The following CDKL5 variants were observed in gnomAD, a reference collection of about 807,000 sequenced individuals.
The protein encoded by CDKL5 is cyclin-dependent kinase-like 5.
In CDKL5, 8 loss-of-function variants were observed where a neutral mutation model predicts 61.7. The ratio of observed to expected loss-of-function variants is 0.13; its 90% CI spans 0.08 to 0.23. The LOEUF is 0.23. CDKL5 is among the 10% of genes least tolerant of loss of function. CDKL5 has a pLI of 1.00. For missense variants in CDKL5, 440 were observed against 734.5 expected (o/e 0.60, Z 4.63); for synonymous variants, 275 against 272.3 (o/e 1.01, Z -0.10).
chrX:18,646,711 C>G (rs1359396546), intron 20 of CDKL5, among the ~76,000 whole-genome samples: 1 of 111,162 alleles, frequency 9.0e-6, no homozygotes, highest in Non-Finnish European at 1.9e-5. Context: ...CATCCACACC[C>G]TGGAGGTATC....
chrX:18,447,896 G>A (rs1931917134), intron 1 of CDKL5, among the ~76,000 whole-genome samples: 1 of 109,004 alleles, frequency 9.2e-6, no homozygotes, highest in South Asian at 4.1e-4. Flanking sequence ...TGGCTGGAGT[G>A]CAATGGCATG....
intron 3 of CDKL5, among the ~76,000 whole-genome samples, chrX:18,516,126 T>C (rs968775010): frequency 9.0e-6 from 1 of 110,575 alleles, no homozygotes; most frequent in African/African-American, 3.3e-5. Flanking sequence ...TATCTGGGAT[T>C]ACAGGCATGA....
chrX:18,572,069 A>G (rs1423379840), intron 4 of CDKL5, among the ~76,000 whole-genome samples: 2 of 112,193 alleles, frequency 1.8e-5, no homozygotes, highest in African/African-American at 3.2e-5. Context: ...GTTTAGGCTC[A>G]TAATCAATAC....
chrX:18,432,713 C>T (rs988549463), intron 1 of CDKL5, among the ~76,000 whole-genome samples: 3 of 106,122 alleles, frequency 2.8e-5, no homozygotes, highest in Admixed American at 2.0e-4. Flanking sequence ...CTCAAGTGAT[C>T]CTCCCACCTC....
In CDKL5 at chrX:18,633,383, A is replaced by G; in HGVS notation, c.*4626A>G. The G allele has an allele frequency of 1.3e-6, 1 of 753,312 alleles. No homozygotes were observed. The highest frequency in any genetic ancestry group is 1.6e-6 in the Non-Finnish European group (1 of 638,198). The allele number at this position is 753,312 out of a possible 1,213,427, so 62.1% of individuals were successfully genotyped here. On this transcript the variant is annotated 3_prime_UTR_variant, in exon 18 of 18. Transcript: ENST00000623535. The stretch of plus-strand genomic sequence containing the variant: ...AAGGGGACATAGAAAAGACAGTACA[A>G]AGGTTGTAAGTGTCCTGTCGCTAAT...
intron 21 of CDKL5, among the ~76,000 whole-genome samples, chrX:18,652,464 T>A (rs1472309547): frequency 2.7e-5 from 3 of 111,173 alleles, no homozygotes; most frequent in Non-Finnish European, 5.7e-5. Flanking sequence ...AGGTCAGGAG[T>A]TCGAGACCAG....
intron 2 of CDKL5, among the ~76,000 whole-genome samples, chrX:18,509,197 G>GCACACGCGCGCA (rs1555940192): frequency 2.3e-4 from 15 of 64,306 alleles, no homozygotes; most frequent in Admixed American, 1.5e-3. Context: ...CTCAAAACAC[G>GCACACGCGCGCA]CACACACACA....
Position 18,581,946 on chromosome X carries a change from C to T in CDKL5, c.459C>T (p.Asp153=), listed in dbSNP as rs1443063690. ...ACAATGATGTCCTAAAACTGTGTGA[C>T]TTTGGTAAGTTAAAAAGAAATTAAG... ...ISHNDVLKLC[D]FGFARNLSEG... The change falls in exon 7 of 18, where the codon GAC becomes GAT. Residue 153 remains aspartate, a synonymous_variant. Coordinates refer to ENST00000623535, the MANE Select transcript of CDKL5 (RefSeq NM_001323289.2). The T allele has an allele frequency of 8.5e-7, 1 of 1,179,590 alleles. No homozygotes were observed.
Position 18,595,542 on chromosome X carries a change from G to A in CDKL5, c.825+114G>A, listed in dbSNP as rs1925964201. 11 of 524,206 alleles carry A rather than the reference G, an allele frequency of 2.1e-5. No individual in the cohort carries two copies. In the South Asian group the frequency reaches 2.8e-4, roughly 13 times the overall value. The allele number at this position is 524,206 out of a possible 1,213,427, so 43.2% of individuals were successfully genotyped here. A position where few individuals can be genotyped will look rare whatever the true frequency, so the allele number is the denominator to read the frequency against. Reference sequence around the variant, plus strand: ...ATGAAATTTTAGGAGATGTGGAATGGCAAATAATGGGGAACTATGTCATAT... The same window carrying A: ...ATGAAATTTTAGGAGATGTGGAATGACAAATAATGGGGAACTATGTCATAT... On this transcript the variant is annotated intron_variant, in intron 10 of 17. Transcript: ENST00000623535.
intron 1 of CDKL5, among the ~76,000 whole-genome samples, chrX:18,459,393 A>C (rs1443063498): frequency 1.8e-5 from 2 of 109,477 alleles, no homozygotes; most frequent in Non-Finnish European, 1.9e-5. Flanking sequence ...CCCCGTCTCT[A>C]CTAAAAATAC....
chrX:18,515,453 A>G (rs1602235537), intron 3 of CDKL5, among the ~76,000 whole-genome samples: 1 of 111,963 alleles, frequency 8.9e-6, no homozygotes, highest in Non-Finnish European at 1.9e-5. Context: ...GGTACAGCCT[A>G]TAAGTGTTCA....
In CDKL5 at chrX:18,484,637, A is replaced by G. The variant is rs962422569; in HGVS notation, c.-162-22298A>G. Among the ~76,000 whole-genome samples, 8 of 111,280 alleles carry G rather than the reference A, an allele frequency of 7.2e-5. No homozygotes were observed. The Admixed American group carries it at 7.6e-4, about 11-fold the overall frequency. On this transcript the variant is annotated intron_variant, in intron 1 of 17. Transcript: ENST00000623535. ...CTCCTGGCTGCATAATCAATTCTTA[A>G]TTATTTATGAATTGTTAGAATGGTT...
chrX:18,554,990 G>A (rs969722348), intron 3 of CDKL5, among the ~76,000 whole-genome samples: 1 of 110,939 alleles, frequency 9.0e-6, no homozygotes, highest in African/African-American at 3.3e-5. Context: ...TGCATAACGC[G>A]TAGGTTTGTT....
Position 18,639,678 on chromosome X carries a change from G to A in CDKL5, c.*10921G>A, listed in dbSNP as rs1927498865. 1.8e-5 allele frequency among the ~76,000 whole-genome samples: 2 copies of A among 111,911 alleles called. No individual in the cohort carries two copies. Among genetic ancestry groups the A allele is most frequent in the Admixed American group, 9.4e-5 (1 of 10,589 alleles). ...CCAAGATAAATGAAAACACACATCC[G>A]CACAAAAACTTATACACAAATGTTC... On this transcript the variant is annotated 3_prime_UTR_variant, in exon 18 of 18. Transcript: ENST00000623535.
intron 1 of CDKL5, among the ~76,000 whole-genome samples, chrX:18,440,780 C>T (rs1270609251): frequency 5.4e-5 from 6 of 111,348 alleles, no homozygotes; most frequent in Admixed American, 9.7e-5. Flanking sequence ...TCTGCTAGGC[C>T]GTTAGTGCTG....
At chrX:18,558,438 G>T (rs953561563) in intron 3 of CDKL5, among the ~76,000 whole-genome samples, 4 of 111,401 alleles carry the variant, frequency 3.6e-5, no homozygotes, top group African/African-American at 1.3e-4. Flanking sequence ...TCGCATCTCA[G>T]GGTGGTGGTA....
chrX:18,460,387 A>G (rs1179301515), intron 1 of CDKL5, among the ~76,000 whole-genome samples: 4 of 112,084 alleles, frequency 3.6e-5, no homozygotes, highest in Non-Finnish European at 7.5e-5. Context: ...CCCATTGTCT[A>G]ATCATCTCCC....
At chrX:18,584,991 A>G (rs1925597136) in intron 8 of CDKL5, among the ~76,000 whole-genome samples, 1 of 112,410 alleles carries the variant, frequency 8.9e-6, no homozygotes, top group Non-Finnish European at 1.9e-5. Context: ...AAGAATGTGA[A>G]TATCCACACA....
intron 4 of CDKL5, among the ~76,000 whole-genome samples, chrX:18,570,618 G>A (rs1316346849): frequency 1.8e-5 from 2 of 111,269 alleles, no homozygotes; most frequent in Non-Finnish European, 3.8e-5. Flanking sequence ...GGGGCTCTTT[G>A]GCTATACAAA....
Sources: gnomAD v4.1 joint callset for allele counts (sites outside exome capture counted in the v4.1 genomes callset) on GRCh38, gnomAD v4.1.1 for gene constraint, MANE v1.5 for transcripts, NCBI Gene and HGNC (gene_info 2026-07-23, HGNC 2026-07-21) for gene names.